The following ITPR1 variants were observed in gnomAD, a reference collection of about 807,000 sequenced individuals.
The protein encoded by ITPR1 is inositol 1,4,5-trisphosphate receptor type 1.
ITPR1 carries 96 observed loss-of-function variants against 318.4 expected under a neutral mutation model. The observed-to-expected ratio is 0.30, with a 90% CI of 0.26 to 0.36. The LOEUF (loss-of-function observed/expected upper bound fraction) is 0.36, where lower values mean the gene tolerates loss of function less well. ITPR1 is among the 10% of genes least tolerant of loss of function. ITPR1 has a pLI of 1.00. For synonymous variants in ITPR1, 1,312 were observed against 1,289.9 expected (o/e 1.02, Z -0.37); for missense variants, 2,440 against 3,460.2 (o/e 0.71, Z 7.40).
chr3:4,577,137 C>T (rs1195908536), intron 4 of ITPR1, among the ~76,000 whole-genome samples: 1 of 152,138 alleles, frequency 6.6e-6, no homozygotes, highest in Admixed American at 6.5e-5. Flanking sequence ...ATTCCACAGA[C>T]CCCCCTACTG....
chr3:4,517,432 A>AT (rs1393020363), intron 3 of ITPR1, among the ~76,000 whole-genome samples: 2 of 152,198 alleles, frequency 1.3e-5, no homozygotes, highest in African/African-American at 4.8e-5. Context: ...CAAGAACCTC[A>AT]TTTTTACAGC....
At position 4,706,289 on chromosome 3, in the gene ITPR1, G is replaced by A. The variant is rs751290467; in HGVS notation, c.4780G>A (p.Ala1594Thr). Reference sequence around the variant, plus strand: ...CTGGCGGCTCTCAGCCCGCAATGCCGCACGCAGGGACTCTGTTCTGGCAGC... The same window carrying A: ...CTGGCGGCTCTCAGCCCGCAATGCCACACGCAGGGACTCTGTTCTGGCAGC... The part of the protein sequence containing the change: ...MNWRLSARNA[A>T]RRDSVLAASR... The change falls in exon 37 of 62, where the codon GCA (alanine) becomes ACA (threonine). Residue 1594 changes from alanine to threonine, a missense_variant. Coordinates refer to ENST00000649015, the MANE Select transcript of ITPR1 (RefSeq NM_001378452.1). 8.7e-6 allele frequency: 14 copies of A among 1,613,882 alleles called. No homozygotes were observed. In the Middle Eastern group the frequency reaches 4.9e-4, roughly 57 times the overall value.
At chr3:4,753,297 G>T (rs957405408) in intron 44 of ITPR1, among the ~76,000 whole-genome samples, 37 of 152,130 alleles carry the variant, frequency 2.4e-4, no homozygotes, top group African/African-American at 8.0e-4. Context: ...TCCCTAGTCG[G>T]TGCTTCTAAA....
At chr3:4,571,137 G>A (rs902456517) in intron 4 of ITPR1, among the ~76,000 whole-genome samples, 3 of 152,152 alleles carry the variant, frequency 2.0e-5, no homozygotes, top group African/African-American at 7.2e-5. Context: ...GTCTCTTTGG[G>A]CTGAGTCCAA....
At chr3:4,651,985 A>G (rs2093607926) in intron 10 of ITPR1, 138 bp from the exon 11 acceptor site, 3 of 697,602 alleles carry the variant, frequency 4.3e-6, no homozygotes, top group East Asian at 2.7e-5. Context: ...GACACTGGCA[A>G]TGGGTTTGTT....
intron 12 of ITPR1, 131 bp downstream of exon 12, chr3:4,654,017 C>A: frequency 3.2e-6 from 2 of 634,560 alleles, no homozygotes; most frequent in South Asian, 2.0e-5. Flanking sequence ...TCCCTTAAAA[C>A]ACGATCATGT....
chr3:4,563,015 A>G (rs1486088533), intron 4 of ITPR1, among the ~76,000 whole-genome samples: 1 of 152,206 alleles, frequency 6.6e-6, no homozygotes, highest in Non-Finnish European at 1.5e-5. Context: ...AGGAGGTAAC[A>G]TAGAGGTTGA....
intron 7 of ITPR1, among the ~76,000 whole-genome samples, chr3:4,642,474 A>T (rs1220438919): frequency 6.6e-6 from 1 of 152,236 alleles, no homozygotes; most frequent in Non-Finnish European, 1.5e-5. Flanking sequence ...GTCTGAAAAC[A>T]TTGTATGAAC....
At chr3:4,510,271 G>A (rs1184715885) in intron 2 of ITPR1, among the ~76,000 whole-genome samples, 1 of 152,202 alleles carries the variant, frequency 6.6e-6, no homozygotes, top group African/African-American at 2.4e-5. Context: ...AGGGCTCAAG[G>A]TAGGCAGGGC....
At chr3:4,698,100 C>G (rs1288485882) in intron 34 of ITPR1, among the ~76,000 whole-genome samples, 1 of 216 alleles carries the variant, frequency 4.6e-3, no homozygotes, top group Non-Finnish European at 0.01. Flanking sequence ...ACAAGACTGC[C>G]ACATAACAAG....
In ITPR1 at chr3:4,818,138, G is replaced by A; in HGVS notation, c.7924G>A (p.Glu2642Lys). Residue 2642 changes from glutamate (E) to lysine (K), a missense_variant, in exon 60 of 62, where the codon GAA (glutamate) becomes AAA (lysine). Glu to Lys is a moderately conservative substitution (Grantham distance 56, BLOSUM62 1). This residue lies in a region of ITPR1 where 72 missense variants were observed against 197.7 expected (regional missense o/e 0.36). Coordinates refer to ENST00000649015, the MANE Select transcript of ITPR1 (RefSeq NM_001378452.1). ...KTVTFEEHIKEEHNMWHYLCF... is the reference protein window; with the variant it reads ...KTVTFEEHIKKEHNMWHYLCF... Reference sequence around the variant, plus strand: ...TGTCACCTTTGAAGAGCACATCAAGGAAGAACACAACATGTGGCACTATCT... The same window carrying A: ...TGTCACCTTTGAAGAGCACATCAAGAAAGAACACAACATGTGGCACTATCT... The A allele has an allele frequency of 6.2e-7, 1 of 1,608,018 alleles. No homozygotes were observed. Among genetic ancestry groups the A allele is most frequent in the Non-Finnish European group, 8.5e-7 (1 of 1,175,330 alleles).
At chr3:4,813,503 G>A (rs2049076307) in intron 57 of ITPR1, among the ~76,000 whole-genome samples, 1 of 152,194 alleles carries the variant, frequency 6.6e-6, no homozygotes, top group Non-Finnish European at 1.5e-5. Flanking sequence ...AGTGGAGGGT[G>A]CGGGCAGGCC....
Position 4,672,183 on chromosome 3 carries a change from T to C in ITPR1, c.2205-953T>C, listed in dbSNP as rs751571734. On this transcript the variant is annotated intron_variant, in intron 20 of 61. Transcript: ENST00000649015. ...TGAATTTCCATTCCACACTGGGAGGTGGGCTTGGAGGATATTCATATTTTA... is the reference window on the plus strand; with the variant it reads ...TGAATTTCCATTCCACACTGGGAGGCGGGCTTGGAGGATATTCATATTTTA... 3.9e-4 allele frequency among the ~76,000 whole-genome samples: 59 copies of C among 152,254 alleles called. 1 individual carries two copies. Among genetic ancestry groups the C allele is most frequent in the South Asian group, 2.1e-3 (10 of 4,818 alleles).
intron 42 of ITPR1, among the ~76,000 whole-genome samples, 198 bp from the exon 43 acceptor site, chr3:4,732,889 GT>G (rs2043023853): frequency 6.6e-6 from 1 of 152,112 alleles, no homozygotes. Context: ...GATTGCTACC[GT>G]TTTTTAAAAA....
At chr3:4,813,957 C>T (rs888121462) in intron 57 of ITPR1, among the ~76,000 whole-genome samples, 3 of 152,188 alleles carry the variant, frequency 2.0e-5, no homozygotes, top group African/African-American at 7.2e-5. Context: ...TGAGAATGAA[C>T]AGCCTCCAAT....
chr3:4,756,634 A>G (rs1459179100), intron 44 of ITPR1, among the ~76,000 whole-genome samples: 2 of 152,062 alleles, frequency 1.3e-5, no homozygotes, highest in Non-Finnish European at 2.9e-5. Context: ...CTCCAGCTCC[A>G]TCCACGTTCC....
chr3:4,764,726 T>G (rs373391837), intron 44 of ITPR1, among the ~76,000 whole-genome samples: 6 of 152,194 alleles, frequency 3.9e-5, no homozygotes, highest in Admixed American at 3.9e-4. Flanking sequence ...GCATTGAGCG[T>G]CTGCCACAGC....
In ITPR1 at chr3:4,552,665, T is replaced by C. The variant is rs538427151; in HGVS notation, c.163+31571T>C. Among the ~76,000 whole-genome samples, 6 of 152,320 alleles carry C rather than the reference T, an allele frequency of 3.9e-5. No homozygotes were observed. The South Asian group carries it at 1.2e-3, about 32-fold the overall frequency. The stretch of plus-strand genomic sequence containing the variant: ...TTTTGGGTTTTTATGGAAGCTTCAT[T>C]ATGTAAGCATGATTGATTAAATCAT... On this transcript the variant is annotated intron_variant, in intron 4 of 61. Coordinates refer to ENST00000649015, the MANE Select transcript of ITPR1 (RefSeq NM_001378452.1).
At chr3:4,631,951 C>T (rs1288028792) in intron 5 of ITPR1, among the ~76,000 whole-genome samples, 3 of 152,090 alleles carry the variant, frequency 2.0e-5, no homozygotes, top group Admixed American at 2.0e-4. Context: ...TGCGCCCAGC[C>T]GACAGATAAC....
Sources: gnomAD v4.1 joint callset for allele counts (sites outside exome capture counted in the v4.1 genomes callset) on GRCh38, gnomAD v4.1.1 for gene constraint, gnomAD v4.1.1 regional missense constraint, MANE v1.5 for transcripts, NCBI Gene and HGNC (gene_info 2026-07-23, HGNC 2026-07-21) for gene names.